The following ZNF718 variants were observed in gnomAD, a reference collection of about 807,000 sequenced individuals.
ZNF718 encodes the protein zinc finger protein 718.
Under a neutral mutation model 2.6 loss-of-function variants are expected in ZNF718, and 3 were observed. That is an observed-to-expected ratio of 1.16 (90% confidence interval 0.53 to 3.01). The LOEUF is 3.01. Ranked by LOEUF, ZNF718 falls within the 30% of genes most tolerant of loss-of-function variation. The pLI, the probability that ZNF718 is intolerant of heterozygous loss-of-function variation, is 0.03. For synonymous variants in ZNF718, 135 were observed against 77.9 expected (o/e 1.73, Z -3.86); for missense variants, 468 against 230.0 (o/e 2.03, Z -6.69).
intron 3 of ZNF718, chr4:200,993 A>G (rs561740870): frequency 3.9e-5 from 6 of 152,392 alleles, no homozygotes; most frequent in Non-Finnish European, 8.8e-5. Context: ...CAGATACATT[A>G]AAGGCTGAGT....
Position 131,802 on chromosome 4 carries a change from G to A in ZNF718, c.226+297G>A, listed in dbSNP as rs2108779780. ...GCAGAGAGAATTGCTTAAAAACACA[G>A]GAGGCGGCCGAGGCGGGTGGATCAT... On this transcript the variant is annotated intron_variant, in intron 3 of 3. Coordinates refer to ENST00000510175, the MANE Select transcript of ZNF718 (RefSeq NM_001039127.6). 2.0e-5 allele frequency among the ~76,000 whole-genome samples: 2 copies of A among 98,040 alleles called. 1 individual carries two copies. The highest frequency in any genetic ancestry group is 1.1e-3 in the East Asian group (2 of 1,762). The allele number at this position is 98,040 out of a possible 152,430, so 64.3% of individuals were successfully genotyped here. A position where few individuals can be genotyped will look rare whatever the true frequency, so the allele number is the denominator to read the frequency against.
intron 3 of ZNF718, among the ~76,000 whole-genome samples, chr4:153,163 A>G (rs1048052393): frequency 2.3e-5 from 3 of 132,626 alleles, no homozygotes; most frequent in Non-Finnish European, 3.3e-5. Flanking sequence ...TCCTTGCACT[A>G]TTTATTGAAA....
At chr4:157,103 CTTTTTTTTT>C (rs199814257) in intron 3 of ZNF718, among the ~76,000 whole-genome samples, 4 of 103,150 alleles carry the variant, frequency 3.9e-5, no homozygotes, top group African/African-American at 8.0e-5. Flanking sequence ...TTCTTTCTTT[CTTTTTTTTT>C]TTTTTTTTTT....
At chr4:156,061 A>G (rs1036918854) in intron 3 of ZNF718, among the ~76,000 whole-genome samples, 1 of 152,048 alleles carries the variant, frequency 6.6e-6, no homozygotes, top group Non-Finnish European at 1.5e-5. Flanking sequence ...TGTGCCTTTC[A>G]CTTTGTACCT....
At chr4:124,885 C>G in intron 1 of ZNF718, 1 of 557,758 alleles carries the variant, frequency 1.8e-6, no homozygotes, top group South Asian at 2.0e-5. Flanking sequence ...GCCGGTAGCC[C>G]TGCACTTTCC....
intron 3 of ZNF718, among the ~76,000 whole-genome samples, chr4:181,158 C>CTTTTT (rs782164295): frequency 2.3e-4 from 12 of 51,086 alleles, no homozygotes; most frequent in Non-Finnish European, 3.4e-4. Flanking sequence ...CAGTGCCCAG[C>CTTTTT]TTTTTTTTTT....
chr4:202,291 T>G (rs1553822896), exon 5 of ZNF718: 1 of 152,232 alleles, frequency 6.6e-6, no homozygotes, highest in Non-Finnish European at 1.5e-5. Flanking sequence ...ATTAAACATC[T>G]TTTTCTTTAT....
intron 3 of ZNF718, among the ~76,000 whole-genome samples, chr4:199,320 A>G (rs1553822447): frequency 2.0e-5 from 3 of 152,196 alleles, no homozygotes; most frequent in East Asian, 1.9e-4. Context: ...ATTCCCCACC[A>G]TGACTCTGGT....
Position 138,792 on chromosome 4 carries a change from G to A in ZNF718, c.226+7287G>A, listed in dbSNP as rs189014781. 2.0e-3 allele frequency among the ~76,000 whole-genome samples: 305 copies of A among 151,964 alleles called. 2 individuals carry two copies. The highest frequency in any genetic ancestry group is 7.0e-3 in the African/African-American group (289 of 41,424). The stretch of plus-strand genomic sequence containing the variant: ...TTCACTTTTCTCCACATCCTCACCA[G>A]CATTTATTAATCACCTGACTTTTGG... On this transcript the variant is annotated intron_variant, in intron 3 of 3. Coordinates refer to ENST00000510175, the MANE Select transcript of ZNF718 (RefSeq NM_001039127.6).
chr4:171,327 A>C (rs1553817920), intron 3 of ZNF718, among the ~76,000 whole-genome samples: 1 of 152,170 alleles, frequency 6.6e-6, no homozygotes, highest in African/African-American at 2.4e-5. Flanking sequence ...CTGTTCTCAG[A>C]TGTCCAGCTG....
intron 3 of ZNF718, among the ~76,000 whole-genome samples, chr4:145,019 CT>C (rs1560114196): frequency 1.3e-5 from 2 of 150,990 alleles, no homozygotes; most frequent in African/African-American, 4.9e-5. Flanking sequence ...ATGGAATATT[CT>C]TTTTCATCTT....
chr4:189,059 A>T (rs11723745), intron 3 of ZNF718, among the ~76,000 whole-genome samples: 53,462 of 134,586 alleles, frequency 0.4, 10,795 homozygotes, highest in South Asian at 0.49. Flanking sequence ...TCTGTAGATT[A>T]TTTTTTTTTT....
chr4:176,976 G>A (rs1717362457), intron 3 of ZNF718, among the ~76,000 whole-genome samples: 1 of 152,120 alleles, frequency 6.6e-6, no homozygotes, highest in Non-Finnish European at 1.5e-5. Context: ...GGAAGATGCA[G>A]GCTCATCTCT....
chr4:151,310 TGCCCA>T (rs1716312156), intron 3 of ZNF718, among the ~76,000 whole-genome samples: 2 of 151,902 alleles, frequency 1.3e-5, no homozygotes, highest in African/African-American at 4.8e-5. Context: ...TTCACCGTGT[TGCCCA>T]GGCTGGTCTC....
intron 3 of ZNF718, chr4:142,013 ATCT>A (rs1553810339): frequency 1.9e-6 from 1 of 519,922 alleles, no homozygotes; most frequent in Admixed American, 1.9e-5. Context: ...TATGGTTTAA[ATCT>A]TCTGAGAACA....
Position 195,960 on chromosome 4 carries a change from CT to C in ZNF718, c.227-5120del, listed in dbSNP as rs1717782097. Among the ~76,000 whole-genome samples, 3 of 152,072 alleles carry C rather than the reference CT, an allele frequency of 2.0e-5. No individual in the cohort carries two copies. In the South Asian group the frequency reaches 6.2e-4, roughly 32 times the overall value. On this transcript the variant is annotated intron_variant and NMD_transcript_variant, in intron 3 of 4. Transcript: ENST00000642529. The stretch of plus-strand genomic sequence containing the variant: ...TCTCTTTTTTTCTCTCTTTGACTCC[CT>C]CTTTGTCTCTCTGCCTCTTTCCTTT...
At chr4:127,620 G>T (rs1715269521) in intron 1 of ZNF718, among the ~76,000 whole-genome samples, 1 of 104,902 alleles carries the variant, frequency 9.5e-6, no homozygotes, top group South Asian at 3.0e-4. Context: ...GAGAAGAAAA[G>T]AACTTTTATT....
intron 3 of ZNF718, among the ~76,000 whole-genome samples, chr4:158,028 C>G (rs1341425063): frequency 6.6e-6 from 1 of 152,168 alleles, no homozygotes; most frequent in Admixed American, 6.5e-5. Context: ...GATACACACA[C>G]ACACATTAAT....
In ZNF718 at chr4:124,517, T is replaced by C. The variant is rs1392700492; in HGVS notation, c.-154T>C. The C allele has an allele frequency of 1.8e-6, 2 of 1,081,382 alleles. No homozygotes were observed. Among genetic ancestry groups the C allele is most frequent in the Admixed American group, 3.6e-5 (2 of 55,720 alleles). The allele number at this position is 1,081,382 out of a possible 1,614,324, so 67.0% of individuals were successfully genotyped here. A position where few individuals can be genotyped will look rare whatever the true frequency, so the allele number is the denominator to read the frequency against. ...ATCTGGCGCGGCTTTTGCTTGTAGC[T>C]CCAGCCAGAGCTCGGTTAGGGCCTC... On this transcript the variant is annotated 5_prime_UTR_variant, in exon 1 of 4. Coordinates refer to ENST00000510175, the MANE Select transcript of ZNF718 (RefSeq NM_001039127.6).
Sources: gnomAD v4.1 joint callset for allele counts (sites outside exome capture counted in the v4.1 genomes callset) on GRCh38, gnomAD v4.1.1 for gene constraint, MANE v1.5 for transcripts, NCBI Gene and HGNC (gene_info 2026-07-23, HGNC 2026-07-21) for gene names.